FGF11: variants seen among roughly 807,000 people sequenced by gnomAD.
FGF11 encodes fibroblast growth factor homologous factor 3.
FGF11 carries 25 observed loss-of-function variants against 25.1 expected under a neutral mutation model. The observed-to-expected ratio is 1.00, with a 90% CI of 0.73 to 1.39. The LOEUF (loss-of-function observed/expected upper bound fraction) is 1.39, where lower values mean the gene tolerates loss of function less well. Among genes scored for constraint, FGF11 ranks in the 40% most tolerant of loss-of-function variants. FGF11 has a pLI of 0.00. For missense variants in FGF11, 320 were observed against 311.0 expected, an observed-to-expected ratio of 1.03 and a Z score of -0.22; for synonymous variants, 130 against 128.9, an observed-to-expected ratio of 1.01 and a Z score of -0.06.
rs1431092176 is a variant in FGF11 at position 7,440,958 on chromosome 17, C to G, written c.194-513C>G. On this transcript the variant is annotated intron_variant, in intron 1 of 4. Coordinates refer to ENST00000293829, the MANE Select transcript of FGF11 (RefSeq NM_004112.4). The surrounding 1 kb of genome is among the most constrained non-coding windows in gnomAD (Gnocchi z 5.4). ...TGGGTCAGTGTCAGACAGGCCGGCG[C>G]TGGGCCAAGGCAAGGCTCTCGCCAA... 3 of 1,003,520 alleles carry G rather than the reference C, an allele frequency of 3.0e-6. No homozygotes were observed. In the African/African-American group the frequency reaches 5.2e-5, roughly 17 times the overall value. 62.2% of individuals were successfully genotyped at this position (1,003,520 alleles called of 1,614,324 possible). A position where few individuals can be genotyped will look rare whatever the true frequency, so the allele number is the denominator to read the frequency against.
Position 7,440,823 on chromosome 17 carries a change from TC to T in FGF11, c.194-643del. 1.0e-6 allele frequency: 1 copy of T among 986,668 alleles called. No individual in the cohort carries two copies. Among genetic ancestry groups the T allele is most frequent in the Non-Finnish European group, 1.2e-6 (1 of 830,908 alleles). 61.1% of individuals were successfully genotyped at this position (986,668 alleles called of 1,614,324 possible). A position where few individuals can be genotyped will look rare whatever the true frequency, so the allele number is the denominator to read the frequency against. On this transcript the variant is annotated intron_variant, in intron 1 of 4. Transcript: ENST00000293829. The surrounding 1 kb of genome is among the most constrained non-coding windows in gnomAD (Gnocchi z 5.4). ...CCCACCCCCCATATCCTTGGTAAGG[TC>T]CCCCTTACCCCAGGCGAGTTACCTG...
At position 7,443,965 on chromosome 17, in the gene FGF11, T is replaced by C. The variant is rs928079695; in HGVS notation, c.*819T>C. 6 of 151,890 alleles carry C rather than the reference T, an allele frequency of 4.0e-5. No individual in the cohort carries two copies. Among genetic ancestry groups the C allele is most frequent in the African/African-American group, 1.5e-4 (6 of 41,158 alleles). 9.4% of individuals were successfully genotyped at this position (151,890 alleles called of 1,614,324 possible). ...GATGGAGCTGGGGCCTGTATAGCCATATTATTGTTCTAAGTAAGTTCTAGC... is the reference window on the plus strand; with the variant it reads ...GATGGAGCTGGGGCCTGTATAGCCACATTATTGTTCTAAGTAAGTTCTAGC... On this transcript the variant is annotated 3_prime_UTR_variant, in exon 5 of 5. Transcript: ENST00000293829.
rs760095454 is a variant in FGF11, at chr17:7,442,589, C to A, written c.409-5C>A. ...GTGCGCCTTTCTGGGTCTTTGTCTCCTTAGCCGCATTTCACAGCTGAGTGT... is the reference window on the plus strand; with the variant it reads ...GTGCGCCTTTCTGGGTCTTTGTCTCATTAGCCGCATTTCACAGCTGAGTGT... On this transcript the variant is annotated splice_region_variant and splice_polypyrimidine_tract_variant and intron_variant, in intron 3 of 4. Coordinates refer to ENST00000293829, the MANE Select transcript of FGF11 (RefSeq NM_004112.4). The A allele has an allele frequency of 1.2e-6, 2 of 1,613,978 alleles. No individual in the cohort carries two copies. The highest frequency in any genetic ancestry group is 2.7e-5 in the African/African-American group (2 of 74,922).
At chr17:7,438,776 A>T (rs549717920), upstream of FGF11, among the ~76,000 whole-genome samples, 1 of 152,128 alleles carries the variant, frequency 6.6e-6, no homozygotes, top group Non-Finnish European at 1.5e-5. Flanking sequence ...AAAAAACAAA[A>T]ACAAAAACAA....
In FGF11 at chr17:7,441,505, C is replaced by T. The variant is rs1163816642; in HGVS notation, c.228C>T (p.Phe76=). ...PQLKGIVTKL[F]CRQGFYLQAN... is the part of the protein sequence containing the mutation. ...TCAAAGGCATCGTCACCAAACTGTT[C>T]TGCCGCCAGGGTTTCTACCTCCAGG... Residue 76 remains phenylalanine (F), a synonymous_variant, in exon 2 of 5, where the codon TTC becomes TTT. Coordinates refer to ENST00000293829, the MANE Select transcript of FGF11 (RefSeq NM_004112.4). The T allele has an allele frequency of 7.4e-6, 12 of 1,614,164 alleles. No homozygotes were observed. The highest frequency in any genetic ancestry group is 9.3e-6 in the Non-Finnish European group (11 of 1,180,036).
chr17:7,443,723 A>C lies in FGF11; in HGVS notation c.*577A>C, dbSNP rs3829603. ...TCTCTGGATCTGTCAGGCCTCTGTC[A>C]TTGACTCAGATGGACCCCTGGTTTC... On this transcript the variant is annotated 3_prime_UTR_variant, in exon 5 of 5. Transcript: ENST00000293829. 0.69 allele frequency: 104,475 copies of C among 152,206 alleles called. 36,586 individuals carry two copies. The highest frequency in any genetic ancestry group is 0.73 in the Non-Finnish European group (49,416 of 68,090). 9.4% of individuals were successfully genotyped at this position (152,206 alleles called of 1,614,324 possible).
In FGF11 at chr17:7,439,535, G is replaced by C; in HGVS notation, c.-86G>C. 8.8e-7 allele frequency: 1 copy of C among 1,142,718 alleles called. No individual in the cohort carries two copies. Among genetic ancestry groups the C allele is most frequent in the East Asian group, 3.1e-5 (1 of 31,798 alleles). The allele number at this position is 1,142,718 out of a possible 1,614,324, so 70.8% of individuals were successfully genotyped here. On this transcript the variant is annotated 5_prime_UTR_variant, in exon 1 of 5. Transcript: ENST00000293829. ...GCGAGTCGGGGCCTGAGCGTCAAGA[G>C]CATGCCCTAGTGAGCGGGCTCCTCT...
rs556163356 is a variant in FGF11 at position 7,440,996 on chromosome 17, C to T, written c.194-475C>T. ...AGGCTCTCGCCAAGCTAGCGGCAGC[C>T]GCAGCAGGTGCTGAGTCAGCGTCAG... On this transcript the variant is annotated intron_variant, in intron 1 of 4. Coordinates refer to ENST00000293829, the MANE Select transcript of FGF11 (RefSeq NM_004112.4). The surrounding 1 kb of genome is among the most constrained non-coding windows in gnomAD (Gnocchi z 5.4). 5.0e-6 allele frequency: 5 copies of T among 993,390 alleles called. No individual in the cohort carries two copies. In the African/African-American group the frequency reaches 7.0e-5, roughly 14 times the overall value. The allele number at this position is 993,390 out of a possible 1,614,324, so 61.5% of individuals were successfully genotyped here.
At chr17:7,441,068 C>A in intron 1 of FGF11, 1 of 588,554 alleles carries the variant, frequency 1.7e-6, no homozygotes, top group Non-Finnish European at 2.3e-6. Flanking sequence ...ACCCTGTGGT[C>A]AATTTGCTGC....
upstream of FGF11, chr17:7,439,375 A>C: frequency 2.7e-6 from 1 of 374,638 alleles, no homozygotes; most frequent in Middle Eastern, 6.6e-4. Context: ...CGAGGGTGGG[A>C]TCCACTGAGG....
chr17:7,439,641 C>G lies in FGF11; in HGVS notation c.21C>G (p.Ser7Arg). MAALAS[S>R]LIRQKREVRE... ...GCGCTATGGCGGCGCTGGCCAGTAG[C>G]CTGATCCGGCAGAAGCGGGAGGTCC... Residue 7 changes from serine to arginine, a missense_variant, in exon 1 of 5, where the codon AGC becomes AGG. By Grantham distance (110) the Ser-to-Arg change is moderately radical. Coordinates refer to ENST00000293829, the MANE Select transcript of FGF11 (RefSeq NM_004112.4). 1 of 1,496,938 alleles carries G rather than the reference C, an allele frequency of 6.7e-7. No homozygotes were observed. Among genetic ancestry groups the G allele is most frequent in the South Asian group, 1.3e-5 (1 of 75,840 alleles). The allele number at this position is 1,496,938 out of a possible 1,614,324, so 92.7% of individuals were successfully genotyped here. A position where few individuals can be genotyped will look rare whatever the true frequency, so the allele number is the denominator to read the frequency against.
intron 3 of FGF11, 158 bp from the exon 4 acceptor site, chr17:7,442,436 C>T (rs1377747966): frequency 2.7e-6 from 4 of 1,477,922 alleles, no homozygotes; most frequent in Non-Finnish European, 2.7e-6. Flanking sequence ...AGCCCTCTTC[C>T]TTGTCCTCCC....
chr17:7,441,903 C>T (rs369079360), intron 3 of FGF11, 24 bp downstream of exon 3: 26 of 1,513,108 alleles, frequency 1.7e-5, no homozygotes, highest in Middle Eastern at 1.7e-4. Context: ...GCTGAGTGGC[C>T]GGGAAATACT....
upstream of FGF11, chr17:7,439,472 G>C (rs995376027): frequency 9.0e-6 from 5 of 554,270 alleles, no homozygotes; most frequent in African/African-American, 4.2e-5. Flanking sequence ...GTGAGGGGGG[G>C]GGTCTGGGGC....
At chr17:7,443,002 T>A (rs183482868) in intron 4 of FGF11, 74 bp from the exon 5 acceptor site, 1 of 1,295,140 alleles carries the variant, frequency 7.7e-7, no homozygotes, top group African/African-American at 1.5e-5. Context: ...GGAGCCCTTT[T>A]GGAGCACTGG....
In FGF11 at chr17:7,440,858, G is replaced by C; in HGVS notation, c.194-613G>C. The C allele has an allele frequency of 1.0e-6, 1 of 989,108 alleles. No individual in the cohort carries two copies. The highest frequency in any genetic ancestry group is 1.2e-6 in the Non-Finnish European group (1 of 832,262). 61.3% of individuals were successfully genotyped at this position (989,108 alleles called of 1,614,324 possible). On this transcript the variant is annotated intron_variant, in intron 1 of 4. Transcript: ENST00000293829. This position sits in a 1 kb window ranked among gnomAD's most constrained non-coding sequence, Gnocchi z 5.4. ...CCCAGGCGAGTTACCTGGCCGAAGGGGAGAGGCTGAGCCTCAGGGAGAACT... is the reference window on the plus strand; with the variant it reads ...CCCAGGCGAGTTACCTGGCCGAAGGCGAGAGGCTGAGCCTCAGGGAGAACT...
Position 7,439,785 on chromosome 17 carries a change from GC to G in FGF11, c.166del (p.Arg56GlyfsTer51). ...LLSKVRLCGG[R>X]PARPDRGPEP... ...TGTCCAAGGTGCGACTGTGCGGGGG[GC>G]GGCCCGCGCGGCCGGACCGCGGCCC... is the stretch of plus-strand genomic sequence containing the variant. On this transcript the variant is annotated frameshift_variant, in exon 1 of 5. Coordinates refer to ENST00000293829, the MANE Select transcript of FGF11 (RefSeq NM_004112.4). LOFTEE classifies it high-confidence loss of function. The G allele has an allele frequency of 6.2e-6, 9 of 1,462,422 alleles. No homozygotes were observed. The highest frequency in any genetic ancestry group is 3.0e-5 in the Admixed American group (1 of 33,450). The allele number at this position is 1,462,422 out of a possible 1,614,324, so 90.6% of individuals were successfully genotyped here. A position where few individuals can be genotyped will look rare whatever the true frequency, so the allele number is the denominator to read the frequency against.
chr17:7,443,468 A>G lies in FGF11; in HGVS notation c.*322A>G, dbSNP rs1368991530. 3.4e-6 allele frequency: 1 copy of G among 298,312 alleles called. No homozygotes were observed. Among genetic ancestry groups the G allele is most frequent in the Admixed American group, 4.6e-5 (1 of 21,764 alleles). 18.5% of individuals were successfully genotyped at this position (298,312 alleles called of 1,614,324 possible). A position where few individuals can be genotyped will look rare whatever the true frequency, so the allele number is the denominator to read the frequency against. ...GCTGGGAGTTCCCACATGGACAGCC[A>G]GGGCATAAACACTTCCCACCCCGGC... On this transcript the variant is annotated 3_prime_UTR_variant, in exon 5 of 5. Transcript: ENST00000293829.
intron 1 of FGF11, 173 bp from the exon 2 acceptor site, chr17:7,441,298 T>C (rs902099020): frequency 4.8e-6 from 4 of 826,104 alleles, no homozygotes; most frequent in Non-Finnish European, 7.4e-6. Context: ...ACACCAGCTT[T>C]CCCAGGAGTG....
Sources: gnomAD v4.1 joint callset for allele counts (sites outside exome capture counted in the v4.1 genomes callset) on GRCh38, gnomAD v4.1.1 for gene constraint, Gnocchi (gnomAD v3.1) non-coding constraint, MANE v1.5 for transcripts, NCBI Gene and HGNC (gene_info 2026-07-23, HGNC 2026-07-21) for gene names.